MME: variants seen among roughly 807,000 people sequenced by gnomAD.
The protein encoded by MME is membrane metalloendopeptidase.
A neutral mutation model predicts 113.2 loss-of-function variants in MME; 98 were observed. That is an observed-to-expected ratio of 0.87 (90% CI 0.74 to 1.02). The LOEUF is 1.02. MME is among the 50% of genes least tolerant of loss of function. The probability of loss-of-function intolerance (pLI) is 0.00; values close to 1 mark genes in which losing one functional copy is unlikely to be tolerated. For synonymous variants in MME, 292 were observed against 300.6 expected, an observed-to-expected ratio of 0.97 and a Z score of 0.30; for missense variants, 836 against 896.0, an observed-to-expected ratio of 0.93 and a Z score of 0.86.
At chr3:155,071,754 G>C (rs2108144794) in intron 1 of MME, among the ~76,000 whole-genome samples, 1 of 152,206 alleles carries the variant, frequency 6.6e-6, no homozygotes, top group Admixed American at 6.5e-5. Flanking sequence ...AGTCATTCTG[G>C]ATTCTTTCTA....
intron 1 of MME, among the ~76,000 whole-genome samples, chr3:155,029,373 T>C (rs1389166476): frequency 6.6e-6 from 1 of 152,094 alleles, no homozygotes; most frequent in East Asian, 1.9e-4. Flanking sequence ...TTAGGTCCTT[T>C]TAGTTTTATT....
Position 155,084,343 on chromosome 3 carries a change from A to G in MME, c.160+16A>G. The G allele has an allele frequency of 6.2e-7, 1 of 1,613,412 alleles. No individual in the cohort carries two copies. ...ACCTACGATGGTGAGTTACTCCCAC[A>G]CCTGTGCATCCATAAGTGCAAAAGA... On this transcript the variant is annotated intron_variant, in intron 2 of 22. Transcript: ENST00000360490.
intron 16 of MME, chr3:155,158,515 C>T (rs1377036319): frequency 6.6e-6 from 1 of 152,042 alleles, no homozygotes; most frequent in Non-Finnish European, 1.5e-5. Context: ...ACTTTCTTGC[C>T]AGACAGCTTG....
upstream of MME, among the ~76,000 whole-genome samples, chr3:155,076,631 AT>A (rs1301107533): frequency 6.6e-6 from 1 of 152,246 alleles, no homozygotes; most frequent in African/African-American, 2.4e-5. Context: ...AAGTAAAGGA[AT>A]AAAGAATGGC....
At chr3:155,168,886 A>T in intron 20 of MME, 89 bp downstream of exon 20, 1 of 1,114,056 alleles carries the variant, frequency 9.0e-7, no homozygotes. Flanking sequence ...CAAAAAAAGA[A>T]ACTCATATAA....
intron 3 of MME, among the ~76,000 whole-genome samples, chr3:155,109,594 T>G (rs1191542393): frequency 1.3e-5 from 2 of 152,240 alleles, no homozygotes; most frequent in Admixed American, 6.5e-5. Context: ...TTTTTTGATA[T>G]TGGATCTGTT....
intron 8 of MME, among the ~76,000 whole-genome samples, chr3:155,135,850 C>G (rs1720579536): frequency 6.6e-6 from 1 of 152,078 alleles, no homozygotes; most frequent in Non-Finnish European, 1.5e-5. Flanking sequence ...TATTTCATCT[C>G]CTTAGTCAGA....
At chr3:155,036,953 C>A (rs1713148468) in intron 1 of MME, among the ~76,000 whole-genome samples, 1 of 152,114 alleles carries the variant, frequency 6.6e-6, no homozygotes, top group Admixed American at 6.6e-5. Context: ...AAATGAATAT[C>A]TTCTCCAGCA....
At chr3:155,106,492 TC>T (rs1387510019) in intron 3 of MME, among the ~76,000 whole-genome samples, 1 of 152,096 alleles carries the variant, frequency 6.6e-6, no homozygotes, top group African/African-American at 2.4e-5. Flanking sequence ...AGCATTAGAG[TC>T]TACGTGCTTG....
intron 8 of MME, among the ~76,000 whole-genome samples, chr3:155,123,657 T>G (rs1719349479): frequency 2.0e-5 from 1 of 49,936 alleles, no homozygotes; most frequent in Non-Finnish European, 4.3e-5. Flanking sequence ...GTAAAGTATT[T>G]TATTTCTCCT....
At chr3:155,141,966 A>G (rs1389633485) in intron 10 of MME, 25 bp from the exon 11 acceptor site, 2 of 1,613,276 alleles carry the variant, frequency 1.2e-6, no homozygotes, top group Admixed American at 1.7e-5. Context: ...CAATTTCTGA[A>G]TGTTTCATGC....
chr3:155,091,484 A>G (rs899960202), intron 3 of MME, among the ~76,000 whole-genome samples: 2 of 152,196 alleles, frequency 1.3e-5, no homozygotes, highest in African/African-American at 4.8e-5. Context: ...TGGTACTCCA[A>G]AGGTTTATTT....
chr3:155,138,900 C>T (rs4611779), intron 9 of MME, among the ~76,000 whole-genome samples: 110,403 of 151,836 alleles, frequency 0.73, 40,411 homozygotes, highest in South Asian at 0.89. Flanking sequence ...ATCCAGGTTA[C>T]TGATTAAACC....
intron 4 of MME, 107 bp downstream of exon 4, chr3:155,115,262 G>A (rs1718505133): frequency 3.6e-6 from 5 of 1,377,142 alleles, no homozygotes; most frequent in Non-Finnish European, 5.0e-6. Flanking sequence ...AGATTAAAAA[G>A]TTAATAATCC....
chr3:155,113,025 A>T (rs547073202), intron 3 of MME, among the ~76,000 whole-genome samples: 1 of 152,198 alleles, frequency 6.6e-6, no homozygotes, highest in Non-Finnish European at 1.5e-5. Context: ...GGAGTCACAG[A>T]AGCATCAGGG....
Position 155,180,625 on chromosome 3 carries a change from AG to A in MME, c.*169del, listed in dbSNP as rs1447786534. 9.1e-5 allele frequency: 60 copies of A among 659,614 alleles called. No homozygotes were observed. In the East Asian group the frequency reaches 1.7e-3, roughly 18 times the overall value. 40.9% of individuals were successfully genotyped at this position (659,614 alleles called of 1,614,324 possible). On this transcript the variant is annotated 3_prime_UTR_variant, in exon 23 of 23. Coordinates refer to ENST00000360490, the MANE Select transcript of MME (RefSeq NM_007289.4). Reference sequence around the variant, plus strand: ...CAGATAACATTAGGTTGTCCTAGAAAGGGTGTGGAGGGAGGAAGGGGGTCTA... The same window carrying A: ...CAGATAACATTAGGTTGTCCTAGAAAGGTGTGGAGGGAGGAAGGGGGTCTA...
chr3:155,181,203 AT>A lies in MME; in HGVS notation c.*749del, dbSNP rs1010837229. On this transcript the variant is annotated 3_prime_UTR_variant, in exon 23 of 23. Transcript: ENST00000360490. ...GATTTATATAAATGTAAAAATAATA[AT>A]TTTTATATTTAATTATTAACTACAT... 5.9e-5 allele frequency: 9 copies of A among 151,932 alleles called. No individual in the cohort carries two copies. The highest frequency in any genetic ancestry group is 8.8e-5 in the Non-Finnish European group (6 of 67,970). 9.4% of individuals were successfully genotyped at this position (151,932 alleles called of 1,614,324 possible). A position where few individuals can be genotyped will look rare whatever the true frequency, so the allele number is the denominator to read the frequency against.
At chr3:155,055,820 T>G (rs113703583) in intron 1 of MME, among the ~76,000 whole-genome samples, 4,064 of 152,268 alleles carry the variant, frequency 0.027, 84 homozygotes, top group South Asian at 0.089. Flanking sequence ...TTAATTGAGA[T>G]GTATACTTAC....
intron 17 of MME, among the ~76,000 whole-genome samples, chr3:155,161,076 A>G (rs777265374): frequency 3.4e-4 from 52 of 152,178 alleles, no homozygotes; most frequent in Non-Finnish European, 6.2e-4. Context: ...TAACACATGA[A>G]TAAGTTATCA....
Sources: gnomAD v4.1 joint callset for allele counts (sites outside exome capture counted in the v4.1 genomes callset) on GRCh38, gnomAD v4.1.1 for gene constraint, MANE v1.5 for transcripts, NCBI Gene and HGNC (gene_info 2026-07-23, HGNC 2026-07-21) for gene names.